The following GLP2R variants were observed in gnomAD, a reference collection of about 807,000 sequenced individuals.
The protein encoded by GLP2R is glucagon-like peptide 2 receptor.
GLP2R carries 59 observed loss-of-function variants against 68.2 expected under a neutral mutation model. The observed-to-expected ratio is 0.87, with a 90% confidence interval of 0.70 to 1.07. The LOEUF (loss-of-function observed/expected upper bound fraction) is 1.07, where lower values mean the gene tolerates loss of function less well. Among genes scored for constraint, GLP2R ranks in the 50% least tolerant of loss-of-function variants. The pLI is 0.00. For synonymous variants in GLP2R, 270 were observed against 265.4 expected (o/e 1.02, Z -0.17); for missense variants, 548 against 677.4 (o/e 0.81, Z 2.12).
At chr17:9,834,277 G>C (rs2066706819) in intron 2 of GLP2R, among the ~76,000 whole-genome samples, 1 of 152,142 alleles carries the variant, frequency 6.6e-6, no homozygotes, top group African/African-American at 2.4e-5. Context: ...ATGCCCCACT[G>C]TAAGGAAACA....
Position 9,844,363 on chromosome 17 carries a change from G to A in GLP2R, c.504+1747G>A, listed in dbSNP as rs181725276. ...AACACATGAGTTAGTTATGGAGATC[G>A]GAGACTGGGGCCATGCTGGAGGCAG... On this transcript the variant is annotated intron_variant, in intron 4 of 12. Transcript: ENST00000262441. Among the ~76,000 whole-genome samples, 686 of 152,272 alleles carry A rather than the reference G, an allele frequency of 4.5e-3. 6 individuals carry two copies. The highest frequency in any genetic ancestry group is 0.016 in the African/African-American group (646 of 41,568).
rs2067222439 is a variant in GLP2R, at chr17:9,884,338, T to C, written c.1285-3594T>C. ...ATTCACAAAATATCCCTATGAAGGA[T>C]AAATTATTATACCTATTTTAAAGAT... On this transcript the variant is annotated intron_variant, in intron 11 of 12. Coordinates refer to ENST00000262441, the MANE Select transcript of GLP2R (RefSeq NM_004246.3). Among the ~76,000 whole-genome samples, 2 of 152,180 alleles carry C rather than the reference T, an allele frequency of 1.3e-5. 1 individual carries two copies. Among genetic ancestry groups the C allele is most frequent in the African/African-American group, 4.8e-5 (2 of 41,430 alleles).
intron 3 of GLP2R, among the ~76,000 whole-genome samples, chr17:9,840,064 C>T (rs143822000): frequency 0.03 from 4,467 of 151,112 alleles, 89 homozygotes; most frequent in East Asian, 0.074. Flanking sequence ...GCAACCTCTG[C>T]CTCCTGGGCT....
chr17:9,826,674 C>G (rs2066634961), intron 1 of GLP2R, among the ~76,000 whole-genome samples: 1 of 152,096 alleles, frequency 6.6e-6, no homozygotes, highest in Non-Finnish European at 1.5e-5. Context: ...CTTTCCTTTC[C>G]TTTCCCTTCT....
At chr17:9,858,811 T>G (rs2066957361) in intron 6 of GLP2R, among the ~76,000 whole-genome samples, 1 of 152,244 alleles carries the variant, frequency 6.6e-6, no homozygotes, top group Non-Finnish European at 1.5e-5. Context: ...TGTAAGAGTG[T>G]TCTCATTTTC....
At chr17:9,841,264 G>A (rs1477499142) in intron 3 of GLP2R, among the ~76,000 whole-genome samples, 2 of 151,528 alleles carry the variant, frequency 1.3e-5, no homozygotes, top group Admixed American at 1.3e-4. Flanking sequence ...CTGACCTCAG[G>A]TGATCCACCC....
intron 3 of GLP2R, among the ~76,000 whole-genome samples, chr17:9,842,065 A>G (rs2066791989): frequency 1.3e-5 from 2 of 151,004 alleles, no homozygotes; most frequent in Non-Finnish European, 2.9e-5. Flanking sequence ...GGCCCAGGAC[A>G]CACTCATGCA....
chr17:9,841,176 C>G (rs1242709819), intron 3 of GLP2R, among the ~76,000 whole-genome samples: 2 of 134,476 alleles, frequency 1.5e-5, no homozygotes, highest in Admixed American at 1.6e-4. Flanking sequence ...GCTACCATGC[C>G]TAGCTAATTT....
intron 9 of GLP2R, among the ~76,000 whole-genome samples, chr17:9,864,451 G>C (rs2067015340): frequency 1.3e-5 from 2 of 152,094 alleles, no homozygotes. Context: ...AGAAATTCTG[G>C]GAGTGGGGCC....
intron 7 of GLP2R, 149 bp from the exon 8 acceptor site, chr17:9,860,990 C>A: frequency 1.6e-6 from 1 of 641,838 alleles, no homozygotes; most frequent in Non-Finnish European, 2.9e-6. Context: ...ATGTGCCACC[C>A]TGGGTCTCTC....
intron 10 of GLP2R, among the ~76,000 whole-genome samples, chr17:9,874,668 A>AAT (rs1472403834): frequency 1.3e-5 from 2 of 152,052 alleles, no homozygotes; most frequent in African/African-American, 4.8e-5. Context: ...CTGAGCTCAC[A>AAT]ATATATATAA....
Position 9,889,773 on chromosome 17 carries a change from G to GTGTGTCCTGCTTTGCTTC in GLP2R, c.*68_*69insTGTGTCCTGCTTTGCTTC. 1.0e-6 allele frequency: 1 copy of GTGTGTCCTGCTTTGCTTC among 962,764 alleles called. No individual in the cohort carries two copies. Among genetic ancestry groups the GTGTGTCCTGCTTTGCTTC allele is most frequent in the Non-Finnish European group, 1.5e-6 (1 of 651,242 alleles). The allele number at this position is 962,764 out of a possible 1,614,324, so 59.6% of individuals were successfully genotyped here. ...AGGGGGCCCAGGAAGAGGAAGCAAA[G>GTGTGTCCTGCTTTGCTTC]CAGGACACACGTTGCTGGGCACGGA... On this transcript the variant is annotated 3_prime_UTR_variant, in exon 13 of 13. Coordinates refer to ENST00000262441, the MANE Select transcript of GLP2R (RefSeq NM_004246.3).
chr17:9,842,378 C>G, intron 3 of GLP2R, 117 bp from the exon 4 acceptor site: 1 of 1,238,416 alleles, frequency 8.1e-7, no homozygotes, highest in South Asian at 1.4e-5. Flanking sequence ...TGTTAATGAG[C>G]CCCCAAAAGG....
intron 1 of GLP2R, among the ~76,000 whole-genome samples, chr17:9,828,359 G>A (rs998145146): frequency 6.6e-6 from 1 of 152,206 alleles, no homozygotes; most frequent in Admixed American, 6.5e-5. Flanking sequence ...CATTTGGTGG[G>A]AGGGTTGGTT....
At chr17:9,852,931 T>C (rs2066904885) in intron 4 of GLP2R, 2 of 493,018 alleles carry the variant, frequency 4.1e-6, no homozygotes, top group Non-Finnish European at 7.7e-6. Flanking sequence ...CACATTCTTC[T>C]CCTCTTCATC....
intron 4 of GLP2R, 57 bp from the exon 5 acceptor site, chr17:9,854,438 G>A: frequency 3.0e-6 from 3 of 1,015,074 alleles, no homozygotes; most frequent in African/African-American, 1.6e-5. Context: ...TGGAGCTGGG[G>A]GTTGTGGCCA....
intron 11 of GLP2R, among the ~76,000 whole-genome samples, chr17:9,884,703 A>G (rs1332168993): frequency 1.3e-5 from 2 of 152,144 alleles, no homozygotes; most frequent in Non-Finnish European, 2.9e-5. Flanking sequence ...CTCCTGTTGG[A>G]GTTGAATTCT....
chr17:9,826,375 C>T, intron 1 of GLP2R, 123 bp downstream of exon 1: 1 of 640,158 alleles, frequency 1.6e-6, no homozygotes, highest in Non-Finnish European at 2.5e-6. Flanking sequence ...AAATAATGAG[C>T]CGCCATAATC....
intron 2 of GLP2R, among the ~76,000 whole-genome samples, chr17:9,835,025 CTTTTTTTTTT>C (rs35950679): frequency 1.2e-5 from 1 of 83,152 alleles, no homozygotes; most frequent in Non-Finnish European, 2.2e-5. Context: ...GAAACCTGGC[CTTTTTTTTTT>C]TTTTTTTTTT....
Sources: allele counts gnomAD v4.1 joint callset (sites outside exome capture counted in the v4.1 genomes callset), GRCh38; gene constraint gnomAD v4.1.1; transcripts MANE v1.5; gene names NCBI Gene and HGNC (gene_info 2026-07-23, HGNC 2026-07-21).